The following RPS6KA6 variants were observed in gnomAD, a reference collection of about 807,000 sequenced individuals.
RPS6KA6 encodes the protein ribosomal protein S6 kinase A6.
Under a neutral mutation model 65.4 loss-of-function variants are expected in RPS6KA6, and 27 were observed. That is an observed-to-expected ratio of 0.41 (90% CI 0.30 to 0.57). The LOEUF (loss-of-function observed/expected upper bound fraction) is 0.57, where lower values mean the gene tolerates loss of function less well. RPS6KA6 is among the 20% of genes least tolerant of loss of function. The pLI is 0.24. For missense variants in RPS6KA6, 486 were observed against 555.6 expected (o/e 0.87, Z 1.26); for synonymous variants, 190 against 184.2 (o/e 1.03, Z -0.26).
chrX:84,183,708 T>C (rs1461478074), intron 1 of RPS6KA6, among the ~76,000 whole-genome samples: 3 of 111,258 alleles, frequency 2.7e-5, no homozygotes, highest in Non-Finnish European at 5.7e-5. Context: ...ACGTGAAATA[T>C]GCTCCTTTCA....
intron 1 of RPS6KA6, among the ~76,000 whole-genome samples, chrX:84,175,129 T>C (rs2035744556): frequency 9.0e-6 from 1 of 111,455 alleles, no homozygotes; most frequent in Non-Finnish European, 1.9e-5. Context: ...AATATATTAT[T>C]TGGGTTAGTC....
chrX:84,085,303 G>A (rs923542012), intron 20 of RPS6KA6, among the ~76,000 whole-genome samples: 1 of 111,532 alleles, frequency 9.0e-6, no homozygotes, highest in Non-Finnish European at 1.9e-5. Context: ...TCCAGCTTTT[G>A]CCCATTCAGT....
intron 16 of RPS6KA6, among the ~76,000 whole-genome samples, chrX:84,105,035 CATTA>C (rs1011162483): frequency 1.8e-5 from 2 of 110,812 alleles, no homozygotes; most frequent in South Asian, 3.7e-4. Flanking sequence ...AAAGTAAATA[CATTA>C]TTTATTTTTT....
intron 20 of RPS6KA6, among the ~76,000 whole-genome samples, chrX:84,087,153 A>T (rs2033941218): frequency 9.0e-6 from 1 of 111,035 alleles, no homozygotes; most frequent in Non-Finnish European, 1.9e-5. Context: ...GCCTATTTAC[A>T]TTTAAGGTTA....
At position 84,172,487 on chromosome X, in the gene RPS6KA6, A is replaced by G. The variant is rs549547556; in HGVS notation, c.82-8100T>C. On this transcript the variant is annotated intron_variant, in intron 1 of 21. Coordinates refer to ENST00000262752, the MANE Select transcript of RPS6KA6 (RefSeq NM_014496.5). ...AATTCCACCATACATAAGGATGTGG[A>G]GAAATTGGAACCTCTGTGCACTGTT... is the stretch of plus-strand genomic sequence containing the variant. Among the ~76,000 whole-genome samples, 62 of 112,173 alleles carry G rather than the reference A, an allele frequency of 5.5e-4. No homozygotes were observed. The South Asian group carries it at 0.022, about 39-fold the overall frequency.
chrX:84,064,534 G>A (rs2033359000), intron 21 of RPS6KA6, 132 bp from the exon 22 acceptor site: 1 of 574,562 alleles, frequency 1.7e-6, no homozygotes, highest in Non-Finnish European at 2.6e-6. Flanking sequence ...GAATATATTA[G>A]ATCTGTGCAC....
chrX:84,179,176 T>C (rs1180088291), intron 1 of RPS6KA6, among the ~76,000 whole-genome samples: 1 of 111,211 alleles, frequency 9.0e-6, no homozygotes, highest in African/African-American at 3.3e-5. Flanking sequence ...TAGCAACATG[T>C]GTCATTAGGG....
chrX:84,164,410 T>C (rs375210985), intron 1 of RPS6KA6, 23 bp from the exon 2 acceptor site: 23 of 1,120,387 alleles, frequency 2.1e-5, no homozygotes, highest in Middle Eastern at 2.4e-4. Context: ...GTTCAAAAAT[T>C]GAGGTTCAAA....
At chrX:84,151,951 C>T (rs1166976119) in intron 3 of RPS6KA6, among the ~76,000 whole-genome samples, 2 of 110,962 alleles carry the variant, frequency 1.8e-5, no homozygotes, top group East Asian at 2.9e-4. Context: ...TCCAGGGGTA[C>T]GGAGACCACA....
chrX:84,183,805 ACCACCACCC>A (rs2147656308), intron 1 of RPS6KA6, among the ~76,000 whole-genome samples: 1 of 107,619 alleles, frequency 9.3e-6, no homozygotes, highest in East Asian at 3.0e-4. Flanking sequence ...TTCCTAAACC[ACCACCACCC>A]CCACCACCAC....
intron 2 of RPS6KA6, among the ~76,000 whole-genome samples, chrX:84,158,629 G>C (rs1871092359): frequency 9.0e-6 from 1 of 110,929 alleles, no homozygotes; most frequent in South Asian, 3.8e-4. Context: ...TTATTACACT[G>C]TGCTGAGTAT....
chrX:84,150,794 AATATATAGAGAGGATATATATAGGATAT>A (rs1569235299), intron 3 of RPS6KA6, among the ~76,000 whole-genome samples: 9 of 92,049 alleles, frequency 9.8e-5, no homozygotes, highest in East Asian at 7.2e-4. Context: ...CTATATAGAG[AATATATAGAGAGGATATATATAGGATAT>A]ATATATAGAG....
In RPS6KA6 at chrX:84,097,824, C is replaced by T; in HGVS notation, c.1801G>A (p.Ala601Thr). The T allele has an allele frequency of 8.4e-7, 1 of 1,195,214 alleles. No individual in the cohort carries two copies. Among genetic ancestry groups the T allele is most frequent in the Non-Finnish European group, 1.1e-6 (1 of 882,906 alleles). Residue 601 changes from alanine (A) to threonine (T), a missense_variant, in exon 19 of 22, where the codon GCT becomes ACT. This residue lies in a region of RPS6KA6 where 345 missense variants were observed against 375.0 expected (regional missense o/e 0.92). Coordinates refer to ENST00000262752, the MANE Select transcript of RPS6KA6 (RefSeq NM_014496.5). ...PEVLMQQGYD[A>T]ACDIWSLGVL... ...CCTAAACTCCAGATATCACAAGCAG[C>T]ATCATATCCCTGTTGCATAAGAACC...
intron 20 of RPS6KA6, among the ~76,000 whole-genome samples, chrX:84,083,784 G>A (rs1251758504): frequency 2.1e-4 from 23 of 112,045 alleles, no homozygotes; most frequent in African/African-American, 7.1e-4. Flanking sequence ...CTAGTTCACT[G>A]AGGAAACACC....
chrX:84,143,046 T>A lies in RPS6KA6; in HGVS notation c.501+2432A>T, dbSNP rs191865337. On this transcript the variant is annotated intron_variant, in intron 6 of 21. Coordinates refer to ENST00000262752, the MANE Select transcript of RPS6KA6 (RefSeq NM_014496.5). ...AATACAAGAAAATCATAAATATCCC[T>A]CATAAAAATAGATGCAAAAATTCTT... Among the ~76,000 whole-genome samples the A allele has an allele frequency of 2.4e-3, 261 of 110,515 alleles. 2 individuals carry two copies. The highest frequency in any genetic ancestry group is 8.1e-3 in the African/African-American group (248 of 30,591).
intron 20 of RPS6KA6, among the ~76,000 whole-genome samples, chrX:84,090,139 G>A (rs778391308): frequency 8.9e-6 from 1 of 112,057 alleles, no homozygotes; most frequent in East Asian, 2.8e-4. Flanking sequence ...TACTCATTCT[G>A]TAAGCATGTT....
At chrX:84,159,289 T>C (rs2035472525) in intron 2 of RPS6KA6, among the ~76,000 whole-genome samples, 2 of 110,724 alleles carry the variant, frequency 1.8e-5, no homozygotes, top group African/African-American at 3.3e-5. Flanking sequence ...TATTATAATG[T>C]CCCTTTTTGT....
Position 84,139,062 on chromosome X carries a change from T to C in RPS6KA6, c.502-3852A>G, listed in dbSNP as rs764293556. On this transcript the variant is annotated intron_variant, in intron 6 of 21. Coordinates refer to ENST00000262752, the MANE Select transcript of RPS6KA6 (RefSeq NM_014496.5). ...AATAAGCTGTCTACAGAAGTAACCA[T>C]TGAATCATTTTTTAAAAGGCTGCTC... 6.4e-4 allele frequency among the ~76,000 whole-genome samples: 72 copies of C among 111,689 alleles called. 1 individual carries two copies. The highest frequency in any genetic ancestry group is 1.5e-3 in the Admixed American group (16 of 10,499).
intron 20 of RPS6KA6, among the ~76,000 whole-genome samples, chrX:84,081,373 A>G (rs1371360282): frequency 8.9e-6 from 1 of 112,022 alleles, no homozygotes; most frequent in Non-Finnish European, 1.9e-5. Context: ...TCTAGAAGAA[A>G]TAGAGAAATT....
Sources: allele counts gnomAD v4.1 joint callset (sites outside exome capture counted in the v4.1 genomes callset), GRCh38; gene constraint gnomAD v4.1.1; regional missense constraint gnomAD v4.1.1; transcripts MANE v1.5; gene names NCBI Gene and HGNC (gene_info 2026-07-23, HGNC 2026-07-21).